Variants in LRIG1 observed in about 807,000 individuals in gnomAD.
LRIG1 encodes leucine-rich repeats and immunoglobulin-like domains protein 1.
A neutral mutation model predicts 99.2 loss-of-function variants in LRIG1; 48 were observed. The ratio of observed to expected loss-of-function variants is 0.48; its 90% CI spans 0.38 to 0.62. LRIG1 has a LOEUF of 0.62. Among genes scored for constraint, LRIG1 ranks in the 20% least tolerant of loss-of-function variants. LRIG1 has a pLI of 0.00. For synonymous variants in LRIG1, 772 were observed against 596.1 expected (o/e 1.29, Z -4.30); for missense variants, 1,646 against 1,434.4 (o/e 1.15, Z -2.38).
intron 1 of LRIG1, among the ~76,000 whole-genome samples, chr3:66,485,458 T>G (rs959191152): frequency 1.4e-4 from 21 of 152,282 alleles, no homozygotes; most frequent in Non-Finnish European, 2.8e-4. Flanking sequence ...AGGCTGTCTG[T>G]GAGCTGGTTA....
chr3:66,380,301 T>C lies in LRIG1; in HGVS notation c.3244A>G (p.Lys1082Glu), dbSNP rs1028944955. The change falls in exon 19 of 19, where the codon AAA (lysine) becomes GAA (glutamate). Residue 1082 changes from lysine (K) to glutamate (E), a missense_variant. Physicochemically the swap from Lys to Glu is moderately conservative, Grantham distance 56. Transcript: ENST00000273261. Reference protein sequence around the residue: ...STPLTGQLPGKQRVPLLLAPK... With the variant: ...STPLTGQLPGEQRVPLLLAPK... ...GCCAACAGCAGTGGCACCCTCTGTT[T>C]CCCGGGGAGCTGTCCTGTCAGTGGC... The C allele has an allele frequency of 6.2e-7, 1 of 1,613,838 alleles. No homozygotes were observed. Among genetic ancestry groups the C allele is most frequent in the East Asian group, 2.2e-5 (1 of 44,872 alleles).
intron 3 of LRIG1, among the ~76,000 whole-genome samples, chr3:66,421,500 C>T (rs990445737): frequency 2.0e-5 from 3 of 152,192 alleles, no homozygotes; most frequent in Non-Finnish European, 4.4e-5. Flanking sequence ...TGTCTCACAT[C>T]CAGATCACGC....
intron 1 of LRIG1, among the ~76,000 whole-genome samples, chr3:66,470,242 G>GT (rs2106863458): frequency 6.6e-6 from 1 of 152,244 alleles, no homozygotes; most frequent in African/African-American, 2.4e-5. Flanking sequence ...TTCACCGGCA[G>GT]TATCTTCCCA....
chr3:66,458,086 G>A (rs2106826594), intron 2 of LRIG1, among the ~76,000 whole-genome samples: 1 of 152,360 alleles, frequency 6.6e-6, no homozygotes, highest in South Asian at 2.1e-4. Flanking sequence ...CTAAGTATCT[G>A]TTTCCTCTTC....
At chr3:66,420,930 T>C (rs1441916223) in intron 3 of LRIG1, among the ~76,000 whole-genome samples, 5 of 152,130 alleles carry the variant, frequency 3.3e-5, no homozygotes, top group Admixed American at 6.5e-5. Context: ...GGCCTCACAA[T>C]CATGGCAGAA....
intron 8 of LRIG1, 40 bp downstream of exon 8, chr3:66,407,308 A>G (rs1168626958): frequency 6.2e-7 from 1 of 1,612,406 alleles, no homozygotes; most frequent in Admixed American, 1.7e-5. Context: ...TGCTCTCCCC[A>G]CTGGGGACCC....
At chr3:66,445,803 A>G (rs77904505) in intron 3 of LRIG1, among the ~76,000 whole-genome samples, 9,300 of 152,252 alleles carry the variant, frequency 0.061, 360 homozygotes, top group South Asian at 0.14. Context: ...GATGGAGAAT[A>G]AGTCTGCCCA....
chr3:66,429,905 A>G (rs1703107549), intron 3 of LRIG1, among the ~76,000 whole-genome samples: 1 of 151,406 alleles, frequency 6.6e-6, no homozygotes, highest in African/African-American at 2.5e-5. Context: ...AAGTCCATTA[A>G]TTAAAAACAA....
At chr3:66,401,783 C>T (rs1199528549) in intron 9 of LRIG1, 3 of 644,738 alleles carry the variant, frequency 4.7e-6, no homozygotes, top group South Asian at 2.8e-5. Context: ...CCTGACCTCC[C>T]CAGCACCAAC....
At chr3:66,386,651 T>C (rs1701390074) in intron 12 of LRIG1, 1 of 221,544 alleles carries the variant, frequency 4.5e-6, no homozygotes, top group South Asian at 9.6e-5. Context: ...TGGTCATGAC[T>C]GCAGAGATCT....
In LRIG1 at chr3:66,383,406, A is replaced by AAGAG. The variant is rs1258497606; in HGVS notation, c.2072-9_2072-6dup. The AAGAG allele has an allele frequency of 1.9e-6, 3 of 1,541,050 alleles. No homozygotes were observed. The highest frequency in any genetic ancestry group is 2.6e-6 in the Non-Finnish European group (3 of 1,139,602). On this transcript the variant is annotated splice_region_variant and splice_polypyrimidine_tract_variant and intron_variant, in intron 14 of 18. Transcript: ENST00000273261. ...GGACCACCAAGGATGGGGTCTCTACAAGAGAGCAACAGAGATCTTAGTCAT... is the reference window on the plus strand; with the variant it reads ...GGACCACCAAGGATGGGGTCTCTACAAGAGAGAGAGCAACAGAGATCTTAGTCAT...
At chr3:66,417,406 T>G in intron 3 of LRIG1, 140 bp from the exon 4 acceptor site, 1 of 890,840 alleles carries the variant, frequency 1.1e-6, no homozygotes, top group Non-Finnish European at 1.7e-6. Flanking sequence ...CTGTTTCTTT[T>G]CCCATCAAGT....
intron 1 of LRIG1, among the ~76,000 whole-genome samples, chr3:66,489,433 G>A (rs894916361): frequency 2.0e-5 from 3 of 152,066 alleles, no homozygotes; most frequent in African/African-American, 7.2e-5. Flanking sequence ...GAGGTAGGAG[G>A]ATCACTTGAG....
chr3:66,409,864 C>T (rs1245643459), intron 7 of LRIG1: 2 of 363,256 alleles, frequency 5.5e-6, no homozygotes, highest in Admixed American at 4.4e-5. Context: ...CCTTGGGGGC[C>T]AAGGCTCCCT....
chr3:66,417,177 G>T lies in LRIG1; in HGVS notation c.455C>A (p.Thr152Lys). 3.7e-6 allele frequency: 6 copies of T among 1,614,190 alleles called. No homozygotes were observed. Among genetic ancestry groups the T allele is most frequent in the Non-Finnish European group, 5.1e-6 (6 of 1,180,022 alleles). Residue 152 changes from threonine to lysine, a missense_variant, in exon 4 of 19, where the codon ACG becomes AAG. By Grantham distance (78) the Thr-to-Lys change is moderately conservative. Coordinates refer to ENST00000273261, the MANE Select transcript of LRIG1 (RefSeq NM_015541.3). ...TGGAAAGCAGGTGTTCCGCACTTCC[G>T]TGATGTTGTTCAAACTCAGATCTAA... is the stretch of plus-strand genomic sequence containing the variant. ...EVLDLSLNNI[T>K]EVRNTCFPHG...
At position 66,435,937 on chromosome 3, in the gene LRIG1, C is replaced by T. The variant is rs371265445; in HGVS notation, c.365+15622G>A. On this transcript the variant is annotated intron_variant, in intron 3 of 18. Coordinates refer to ENST00000273261, the MANE Select transcript of LRIG1 (RefSeq NM_015541.3). ...GCCTTCCTGCTACTTTACTAGTCTC[C>T]AGCCATCCTTCAAACCAGCAGAAAC... 4.6e-5 allele frequency among the ~76,000 whole-genome samples: 7 copies of T among 152,302 alleles called. No homozygotes were observed. The South Asian group carries it at 1.5e-3, about 32-fold the overall frequency.
chr3:66,406,245 C>G, intron 8 of LRIG1: 1 of 985,478 alleles, frequency 1.0e-6, no homozygotes, highest in Non-Finnish European at 1.2e-6. Flanking sequence ...GACTTCTCCT[C>G]TCAATGGGTT....
At chr3:66,401,044 G>GC (rs1297636949) in intron 9 of LRIG1, among the ~76,000 whole-genome samples, 1 of 152,218 alleles carries the variant, frequency 6.6e-6, no homozygotes, top group Non-Finnish European at 1.5e-5. Context: ...TGCAAGCTCA[G>GC]CCCTCAGACA....
chr3:66,402,589 C>A (rs1320704771), intron 9 of LRIG1, among the ~76,000 whole-genome samples: 1 of 152,122 alleles, frequency 6.6e-6, no homozygotes, highest in Non-Finnish European at 1.5e-5. Context: ...AGTAACTCAG[C>A]GAAGGCAGGG....
Sources: gnomAD v4.1 joint callset for allele counts (sites outside exome capture counted in the v4.1 genomes callset) on GRCh38, gnomAD v4.1.1 for gene constraint, MANE v1.5 for transcripts, NCBI Gene and HGNC (gene_info 2026-07-23, HGNC 2026-07-21) for gene names.